RTL4: variants seen among roughly 807,000 people sequenced by gnomAD.
RTL4 encodes retrotransposon Gag-like protein 4.
RTL4 carries 4 observed loss-of-function variants against 5.3 expected under a neutral mutation model. The observed-to-expected ratio is 0.75, with a 90% CI of 0.37 to 1.72. RTL4 has a LOEUF of 1.72. Ranked by LOEUF, RTL4 falls within the 40% of genes most tolerant of loss-of-function variation. The pLI, the probability that RTL4 is intolerant of heterozygous loss-of-function variation, is 0.04. For synonymous variants in RTL4, 98 were observed against 87.3 expected, an observed-to-expected ratio of 1.12 and a Z score of -0.68; for missense variants, 260 against 227.1, an observed-to-expected ratio of 1.14 and a Z score of -0.93.
upstream of RTL4, among the ~76,000 whole-genome samples, chrX:112,453,593 A>G (rs1926780236): frequency 8.9e-6 from 1 of 111,939 alleles, no homozygotes; most frequent in African/African-American, 3.2e-5. Context: ...ATTAACTGCC[A>G]TCACAGGAAT....
At chrX:112,392,655 C>T in the RTL4 span, among the ~76,000 whole-genome samples, 143 of 111,413 alleles carry the variant, frequency 1.3e-3, 6 homozygotes, top group Non-Finnish European at 9.8e-4. Flanking sequence ...ACTTCAAAGC[C>T]CGAAGGCCTG....
At chrX:112,442,519 G>A in the RTL4 span, among the ~76,000 whole-genome samples, 3 of 111,111 alleles carry the variant, frequency 2.7e-5, no homozygotes, top group Non-Finnish European at 5.7e-5. Context: ...ATAGTGCTGG[G>A]ATTACTGGCA....
At chrX:112,303,010 C>T in the RTL4 span, among the ~76,000 whole-genome samples, 27,194 of 111,113 alleles carry the variant, frequency 0.24, 2,624 homozygotes, top group Admixed American at 0.35. Context: ...ATCTTGGCTC[C>T]CGATGCCTTG....
the RTL4 span, among the ~76,000 whole-genome samples, chrX:112,432,944 A>T: frequency 9.0e-6 from 1 of 111,674 alleles, no homozygotes; most frequent in African/African-American, 3.3e-5. Flanking sequence ...TCAGCTTTCT[A>T]CATATGGCTA....
the RTL4 span, among the ~76,000 whole-genome samples, chrX:112,208,631 G>C: frequency 8.9e-6 from 1 of 111,939 alleles, no homozygotes; most frequent in Non-Finnish European, 1.9e-5. Context: ...TTCAATATCT[G>C]TCTCACTAGC....
chrX:112,156,562 A>C, the RTL4 span, among the ~76,000 whole-genome samples: 1 of 112,194 alleles, frequency 8.9e-6, no homozygotes, highest in African/African-American at 3.2e-5. Context: ...GAGGTGGTTA[A>C]GTGGTTGAGT....
chrX:112,261,742 C>T, the RTL4 span, among the ~76,000 whole-genome samples: 1 of 111,993 alleles, frequency 8.9e-6, no homozygotes, highest in Admixed American at 9.4e-5. Context: ...CAAGTCAATC[C>T]TAAGCCAGAA....
At chrX:112,104,154 G>T in the RTL4 span, among the ~76,000 whole-genome samples, 1 of 111,812 alleles carries the variant, frequency 8.9e-6, no homozygotes, top group Non-Finnish European at 1.9e-5. Context: ...TTCAGTATTT[G>T]TCTTTCTGTG....
At chrX:112,112,393 C>A in the RTL4 span, among the ~76,000 whole-genome samples, 1 of 111,688 alleles carries the variant, frequency 9.0e-6, no homozygotes, top group Non-Finnish European at 1.9e-5. Context: ...AGGGGCCTGG[C>A]TATCTTGCTG....
chrX:112,120,660 G>GA, the RTL4 span, among the ~76,000 whole-genome samples: 7 of 100,000 alleles, frequency 7.0e-5, no homozygotes, highest in Admixed American at 1.1e-4. Context: ...CATTTTTCTA[G>GA]AAAAAAAAAC....
chrX:112,416,260 G>A, the RTL4 span, among the ~76,000 whole-genome samples: 4 of 111,564 alleles, frequency 3.6e-5, no homozygotes, highest in Non-Finnish European at 7.5e-5. Context: ...TAACTTAATT[G>A]CATGTGTAAA....
upstream of RTL4, among the ~76,000 whole-genome samples, chrX:112,450,272 C>A (rs1019684951): frequency 8.9e-6 from 1 of 112,419 alleles, no homozygotes; most frequent in Non-Finnish European, 1.9e-5. Context: ...AGACCAAATA[C>A]AAACACTAAA....
chrX:112,345,552 A>G, the RTL4 span, among the ~76,000 whole-genome samples: 1 of 111,018 alleles, frequency 9.0e-6, no homozygotes, highest in Non-Finnish European at 1.9e-5. Flanking sequence ...CTGCCCTCCT[A>G]CTTACATTTA....
At chrX:112,352,498 A>C in the RTL4 span, among the ~76,000 whole-genome samples, 1 of 111,205 alleles carries the variant, frequency 9.0e-6, no homozygotes, top group Non-Finnish European at 1.9e-5. Context: ...CATCAATGGA[A>C]CATAACAGAG....
At chrX:112,385,156 T>C in the RTL4 span, among the ~76,000 whole-genome samples, 1 of 111,714 alleles carries the variant, frequency 9.0e-6, no homozygotes, top group African/African-American at 3.2e-5. Flanking sequence ...CTGTGTCTTC[T>C]CTTTTCACTC....
the RTL4 span, among the ~76,000 whole-genome samples, chrX:112,185,915 A>G: frequency 1.8e-5 from 2 of 111,142 alleles, no homozygotes; most frequent in East Asian, 5.7e-4. Flanking sequence ...TAGTTTCCAT[A>G]AGGTTAATTT....
chrX:112,426,837 C>G, the RTL4 span, among the ~76,000 whole-genome samples: 5 of 110,632 alleles, frequency 4.5e-5, no homozygotes, highest in African/African-American at 1.6e-4. Flanking sequence ...GTTGAACAAA[C>G]CTACATGTTC....
chrX:112,349,591 T>A, the RTL4 span, among the ~76,000 whole-genome samples: 12 of 91,310 alleles, frequency 1.3e-4, no homozygotes, highest in Admixed American at 2.5e-4. Flanking sequence ...CCCTTGTAAG[T>A]TGGATTCCTA....
chrX:112,305,244 G>A, the RTL4 span, among the ~76,000 whole-genome samples: 2 of 107,498 alleles, frequency 1.9e-5, no homozygotes, highest in African/African-American at 3.4e-5. Flanking sequence ...TGCAACCTTC[G>A]CTTCCGGGTT....
Sources: gnomAD v4.1 joint callset for allele counts (sites outside exome capture counted in the v4.1 genomes callset) on GRCh38, gnomAD v4.1.1 for gene constraint, MANE v1.5 for transcripts, NCBI Gene and HGNC (gene_info 2026-07-23, HGNC 2026-07-21) for gene names.